The following ESRRG variants were observed in gnomAD, a reference collection of about 807,000 sequenced individuals.
ESRRG encodes the protein estrogen-related receptor gamma.
ESRRG carries 13 observed loss-of-function variants against 44.0 expected under a neutral mutation model. The observed-to-expected ratio is 0.30, with a 90% CI of 0.19 to 0.47. The LOEUF (loss-of-function observed/expected upper bound fraction) is 0.47, where lower values mean the gene tolerates loss of function less well. ESRRG is among the 20% of genes least tolerant of loss of function. The pLI, the probability that ESRRG is intolerant of heterozygous loss-of-function variation, is 1.00. For synonymous variants in ESRRG, 215 were observed against 214.6 expected (o/e 1.00, Z -0.02); for missense variants, 395 against 580.6 (o/e 0.68, Z 3.29).
At chr1:216,945,744 C>T (rs907174535) in intron 1 of ESRRG, among the ~76,000 whole-genome samples, 3 of 152,178 alleles carry the variant, frequency 2.0e-5, no homozygotes, top group Non-Finnish European at 4.4e-5. Context: ...TGACTTTAGA[C>T]TCTGCACCTC....
At chr1:216,869,214 G>C (rs1241051305) in intron 2 of ESRRG, among the ~76,000 whole-genome samples, 1 of 151,936 alleles carries the variant, frequency 6.6e-6, no homozygotes, top group Non-Finnish European at 1.5e-5. Flanking sequence ...CTAGATTTTT[G>C]TTCACTTTTA....
intron 1 of ESRRG, among the ~76,000 whole-genome samples, chr1:217,072,642 C>T (rs949361475): frequency 6.6e-6 from 1 of 152,108 alleles, no homozygotes; most frequent in African/African-American, 2.4e-5. Context: ...TTGAACCAGA[C>T]CTATAATGAT....
intron 1 of ESRRG, among the ~76,000 whole-genome samples, chr1:216,961,368 A>G (rs1010200960): frequency 2.0e-5 from 3 of 152,208 alleles, no homozygotes; most frequent in African/African-American, 7.2e-5. Context: ...TGCAAAAATT[A>G]CCAACCATAA....
At chr1:216,801,146 T>C (rs527986566) in intron 2 of ESRRG, among the ~76,000 whole-genome samples, 1 of 152,310 alleles carries the variant, frequency 6.6e-6, no homozygotes, top group South Asian at 2.1e-4. Context: ...TAGCAAAAAT[T>C]CCAAATACAA....
intron 1 of ESRRG, among the ~76,000 whole-genome samples, chr1:217,071,951 A>G (rs2090620164): frequency 6.6e-6 from 1 of 152,344 alleles, no homozygotes; most frequent in East Asian, 1.9e-4. Context: ...TTCCTCCAGG[A>G]AAGATGGCAT....
chr1:216,930,163 T>A (rs888702227), intron 2 of ESRRG, among the ~76,000 whole-genome samples: 1 of 152,156 alleles, frequency 6.6e-6, no homozygotes, highest in African/African-American at 2.4e-5. Flanking sequence ...TTCTCACACA[T>A]CCTTATTTTT....
At chr1:217,094,980 C>G (rs2092401429) in intron 1 of ESRRG, among the ~76,000 whole-genome samples, 1 of 152,102 alleles carries the variant, frequency 6.6e-6, no homozygotes, top group South Asian at 2.1e-4. Flanking sequence ...TCTAGGGATC[C>G]ATGGATGAAT....
At chr1:217,130,779 A>T (rs2092953946) in intron 1 of ESRRG, among the ~76,000 whole-genome samples, 1 of 152,208 alleles carries the variant, frequency 6.6e-6, no homozygotes, top group South Asian at 2.1e-4. Flanking sequence ...AATCAGAAGC[A>T]ATGATGTATC....
chr1:216,905,977 C>T (rs934598503), intron 2 of ESRRG, among the ~76,000 whole-genome samples: 2 of 152,196 alleles, frequency 1.3e-5, no homozygotes, highest in African/African-American at 4.8e-5. Flanking sequence ...TCTCAAATTT[C>T]TGACCTCAGG....
intron 3 of ESRRG, among the ~76,000 whole-genome samples, chr1:216,645,895 T>G (rs937350953): frequency 1.7e-5 from 2 of 117,170 alleles, no homozygotes; most frequent in South Asian, 2.7e-4. Flanking sequence ...AAAAAAAAAA[T>G]GCCCACAAAA....
intron 1 of ESRRG, among the ~76,000 whole-genome samples, chr1:217,134,322 G>C (rs1456197025): frequency 1.3e-5 from 2 of 152,134 alleles, no homozygotes; most frequent in Non-Finnish European, 2.9e-5. Flanking sequence ...GGGCACTTTT[G>C]GGGGAATGTG....
intron 1 of ESRRG, among the ~76,000 whole-genome samples, chr1:216,690,230 TAAAC>T (rs953252637): frequency 1.1e-3 from 166 of 152,022 alleles, no homozygotes; most frequent in African/African-American, 3.6e-3. Context: ...GATGAACAAA[TAAAC>T]AAATTATGAA....
intron 1 of ESRRG, among the ~76,000 whole-genome samples, chr1:217,101,956 G>A (rs149789727): frequency 0.042 from 6,410 of 152,084 alleles, 185 homozygotes; most frequent in South Asian, 0.14. Flanking sequence ...ACAGGCATGC[G>A]CCACCACGCC....
At chr1:216,897,774 A>T (rs1389592780) in intron 2 of ESRRG, among the ~76,000 whole-genome samples, 2 of 151,768 alleles carry the variant, frequency 1.3e-5, no homozygotes, top group Non-Finnish European at 2.9e-5. Flanking sequence ...TTTGCAGGGG[A>T]CACAATTTCT....
chr1:216,736,838 G>A (rs951774346), intron 2 of ESRRG, among the ~76,000 whole-genome samples: 6 of 152,120 alleles, frequency 3.9e-5, no homozygotes, highest in Non-Finnish European at 5.9e-5. Flanking sequence ...AAGCTCTCCA[G>A]GTCATTCTGG....
At chr1:216,581,635 A>G (rs77115437) in intron 3 of ESRRG, among the ~76,000 whole-genome samples, 1 of 150,162 alleles carries the variant, frequency 6.7e-6, no homozygotes, top group Admixed American at 6.6e-5. Flanking sequence ...TGTTTAAATA[A>G]AGAGAGAGAG....
At chr1:216,682,512 G>T (rs2077193102) in intron 1 of ESRRG, among the ~76,000 whole-genome samples, 1 of 152,064 alleles carries the variant, frequency 6.6e-6, no homozygotes, top group African/African-American at 2.4e-5. Flanking sequence ...AGAGTCCTCA[G>T]CTCCTCTGTG....
intron 1 of ESRRG, among the ~76,000 whole-genome samples, chr1:216,969,497 G>A (rs1269746374): frequency 2.6e-5 from 4 of 152,018 alleles, no homozygotes; most frequent in Non-Finnish European, 5.9e-5. Flanking sequence ...ATAATTATAA[G>A]TTTACCTTCA....
intron 2 of ESRRG, among the ~76,000 whole-genome samples, chr1:216,876,975 A>AAT (rs1553671847): frequency 1.1e-5 from 1 of 94,200 alleles, no homozygotes; most frequent in African/African-American, 3.6e-5. Flanking sequence ...TCTCTTCACT[A>AAT]ATGTGTGTGT....
Sources: gnomAD v4.1 joint callset for allele counts (sites outside exome capture counted in the v4.1 genomes callset) on GRCh38, gnomAD v4.1.1 for gene constraint, MANE v1.5 for transcripts, NCBI Gene and HGNC (gene_info 2026-07-23, HGNC 2026-07-21) for gene names.